The following TMPRSS4 variants were observed in gnomAD, a reference collection of about 807,000 sequenced individuals.
TMPRSS4 encodes transmembrane protease serine 4.
TMPRSS4 carries 45 observed loss-of-function variants against 56.4 expected under a neutral mutation model. That is an observed-to-expected ratio of 0.80 (90% CI 0.63 to 1.02). The LOEUF (loss-of-function observed/expected upper bound fraction) is 1.02, where lower values mean the gene tolerates loss of function less well. Ranked by LOEUF, TMPRSS4 falls within the 50% of genes least tolerant of loss-of-function variation. The probability of loss-of-function intolerance (pLI) is 0.00; values close to 1 mark genes in which losing one functional copy is unlikely to be tolerated. For missense variants in TMPRSS4, 546 were observed against 556.7 expected (o/e 0.98, Z 0.19); for synonymous variants, 205 against 211.0 (o/e 0.97, Z 0.25).
At chr11:118,081,679 C>T (rs1420439731) in intron 1 of TMPRSS4, among the ~76,000 whole-genome samples, 5 of 152,248 alleles carry the variant, frequency 3.3e-5, no homozygotes, top group African/African-American at 7.2e-5. Context: ...GGGCGTCGCC[C>T]GCTGGTGCGG....
At chr11:118,092,055 A>C (rs1454027541) in intron 1 of TMPRSS4, among the ~76,000 whole-genome samples, 1 of 152,174 alleles carries the variant, frequency 6.6e-6, no homozygotes, top group Non-Finnish European at 1.5e-5. Flanking sequence ...TGGCTAATTA[A>C]AAATAAAATG....
At chr11:118,081,896 G>T (rs1291529221) in intron 1 of TMPRSS4, among the ~76,000 whole-genome samples, 1 of 152,174 alleles carries the variant, frequency 6.6e-6, no homozygotes, top group East Asian at 1.9e-4. Flanking sequence ...AGGAGCAGGG[G>T]AGACTGCTTT....
intron 7 of TMPRSS4, among the ~76,000 whole-genome samples, chr11:118,109,213 T>G (rs1052246716): frequency 1.3e-5 from 2 of 152,218 alleles, no homozygotes; most frequent in Non-Finnish European, 2.9e-5. Context: ...CTCCCATCCC[T>G]GGTCCGGGCC....
intron 11 of TMPRSS4, among the ~76,000 whole-genome samples, chr11:118,116,470 G>C (rs1741548929): frequency 6.6e-6 from 1 of 152,190 alleles, no homozygotes; most frequent in South Asian, 2.1e-4. Flanking sequence ...AGCCCCAGGG[G>C]CTAAAACAGC....
At chr11:118,101,169 C>T (rs1946709406) in intron 3 of TMPRSS4, among the ~76,000 whole-genome samples, 1 of 152,166 alleles carries the variant, frequency 6.6e-6, no homozygotes, top group Admixed American at 6.5e-5. Flanking sequence ...GCACTGTGTG[C>T]CCTGGGAAAA....
chr11:118,111,746 G>A lies in TMPRSS4; in HGVS notation c.589G>A (p.Gly197Arg). The A allele has an allele frequency of 1.3e-6, 2 of 1,575,108 alleles. No homozygotes were observed. The highest frequency in any genetic ancestry group is 1.7e-6 in the Non-Finnish European group (2 of 1,163,994). Residue 197 changes from glycine (G) to arginine (R), a missense_variant, in exon 8 of 13, where the codon GGG (glycine) becomes AGG (arginine). Coordinates refer to ENST00000437212, the MANE Select transcript of TMPRSS4 (RefSeq NM_019894.4). ...SLVSLHCLAC[G>R]KSLKTPRVVG... is the part of the protein sequence containing the mutation. ...CTGCCTCTGCCTGTGTCCAGCCTGT[G>A]GGAAGAGCCTGAAGACCCCCCGTGT...
At chr11:118,081,394 G>C (rs1280016308) in intron 1 of TMPRSS4, among the ~76,000 whole-genome samples, 1 of 152,178 alleles carries the variant, frequency 6.6e-6, no homozygotes, top group East Asian at 1.9e-4. Context: ...CCACCTCCCA[G>C]CCTGCCACTC....
chr11:118,104,664 A>T (rs1482020195), intron 4 of TMPRSS4, 27 bp from the exon 5 acceptor site: 1 of 1,614,008 alleles, frequency 6.2e-7, no homozygotes. Context: ...CCCCCGTTCC[A>T]TCTAACTCAG....
chr11:118,090,661 C>T (rs1321280274), intron 1 of TMPRSS4, among the ~76,000 whole-genome samples: 1 of 151,590 alleles, frequency 6.6e-6, no homozygotes, highest in Non-Finnish European at 1.5e-5. Flanking sequence ...GCCTGTAGTC[C>T]CAGCTACTCA....
intron 1 of TMPRSS4, among the ~76,000 whole-genome samples, chr11:118,090,809 CACACACACACAA>C (rs1372214552): frequency 6.8e-6 from 1 of 146,262 alleles, no homozygotes; most frequent in African/African-American, 2.6e-5. Flanking sequence ...CTCTGTCACA[CACACACACACAA>C]ACACACACAC....
chr11:118,115,463 G>A, intron 11 of TMPRSS4, 183 bp downstream of exon 11: 1 of 662,542 alleles, frequency 1.5e-6, no homozygotes, highest in African/African-American at 1.8e-5. Flanking sequence ...ACCAATAGAT[G>A]AGTGGGTGGA....
intron 4 of TMPRSS4, 34 bp from the exon 5 acceptor site, chr11:118,104,657 C>T (rs779223241): frequency 6.2e-7 from 1 of 1,613,876 alleles, no homozygotes; most frequent in Non-Finnish European, 8.5e-7. Context: ...GTTGGGCCCC[C>T]CGTTCCATCT....
intron 1 of TMPRSS4, among the ~76,000 whole-genome samples, chr11:118,083,929 T>C (rs537446517): frequency 6.6e-6 from 1 of 152,172 alleles, no homozygotes; most frequent in South Asian, 2.1e-4. Context: ...TCCCAGCTAC[T>C]CTGGAGGCTG....
Position 118,077,244 on chromosome 11 carries a change from C to T in TMPRSS4, c.-59C>T. ...CTGTGTGGGGAGGCCCTCCTGCTGCCTTGGGGTGACAATCTCAGCTCCAGG... is the reference window on the plus strand; with the variant it reads ...CTGTGTGGGGAGGCCCTCCTGCTGCTTTGGGGTGACAATCTCAGCTCCAGG... On this transcript the variant is annotated 5_prime_UTR_variant, in exon 1 of 13. Transcript: ENST00000437212. 1 of 1,580,132 alleles carries T rather than the reference C, an allele frequency of 6.3e-7. No homozygotes were observed. The highest frequency in any genetic ancestry group is 8.6e-7 in the Non-Finnish European group (1 of 1,162,734).
rs1565423938 is a variant in TMPRSS4, at chr11:118,097,069, G to GGAAAGGAA, written c.44-1915_44-1914insAAAGGAAG. On this transcript the variant is annotated intron_variant, in intron 2 of 12. Coordinates refer to ENST00000437212, the MANE Select transcript of TMPRSS4 (RefSeq NM_019894.4). ...AAGGAAAGGAAAGGAAAGGAAAGGAGGTAGTAGAAGGGACGTACTTAAGAG... is the reference window on the plus strand; with the variant it reads ...AAGGAAAGGAAAGGAAAGGAAAGGAGGAAAGGAAGTAGTAGAAGGGACGTACTTAAGAG... Among the ~76,000 whole-genome samples, 4 of 22,910 alleles carry GGAAAGGAA rather than the reference G, an allele frequency of 1.7e-4. 1 individual carries two copies. The highest frequency in any genetic ancestry group is 4.4e-4 in the African/African-American group (4 of 9,180). The allele number at this position is 22,910 out of a possible 152,430, so 15.0% of individuals were successfully genotyped here.
chr11:118,111,861 T>C lies in TMPRSS4; in HGVS notation c.704T>C (p.Leu235Pro), dbSNP rs1947292960. The C allele has an allele frequency of 6.2e-7, 1 of 1,609,852 alleles. No individual in the cohort carries two copies. The highest frequency in any genetic ancestry group is 1.3e-5 in the African/African-American group (1 of 74,704). Residue 235 changes from leucine (L) to proline (P), a missense_variant, in exon 8 of 13, where the codon CTG (leucine) becomes CCG (proline). By Grantham distance (98) the Leu-to-Pro change is moderately conservative. Coordinates refer to ENST00000437212, the MANE Select transcript of TMPRSS4 (RefSeq NM_019894.4). Reference protein sequence around the residue: ...DKQHVCGGSILDPHWVLTAAH... With the variant: ...DKQHVCGGSIPDPHWVLTAAH... ...CAGCACGTCTGTGGAGGGAGCATCC[T>C]GGACCCCCACTGGGTCCTCACGGCA...
chr11:118,092,593 A>C lies in TMPRSS4; in HGVS notation c.4-2223A>C, dbSNP rs1246763994. 1.6e-4 allele frequency among the ~76,000 whole-genome samples: 25 copies of C among 152,224 alleles called. 2 individuals are homozygous for C. Among genetic ancestry groups the C allele is most frequent in the Admixed American group, 1.6e-3 (25 of 15,284 alleles). ...AGTTTGGGGAGGGTCAGAATCTTGT[A>C]ACCTCCAGCTGCATGACTCCTAAAC... is the stretch of plus-strand genomic sequence containing the variant. On this transcript the variant is annotated intron_variant, in intron 1 of 12. Transcript: ENST00000437212.
At chr11:118,125,379 T>C (rs941571967), downstream of TMPRSS4, 12 of 455,870 alleles carry the variant, frequency 2.6e-5, no homozygotes, top group African/African-American at 2.4e-4. Flanking sequence ...GGAGCTACGG[T>C]CAGCTCGGCA....
intron 1 of TMPRSS4, among the ~76,000 whole-genome samples, chr11:118,078,048 AGAAGG>A (rs1944821671): frequency 3.1e-5 from 2 of 63,608 alleles, no homozygotes; most frequent in East Asian, 3.8e-4. Context: ...AAAAAAAGAA[AGAAGG>A]AAAAGAAAAC....
Sources: allele counts gnomAD v4.1 joint callset (sites outside exome capture counted in the v4.1 genomes callset), GRCh38; gene constraint gnomAD v4.1.1; transcripts MANE v1.5; gene names NCBI Gene and HGNC (gene_info 2026-07-23, HGNC 2026-07-21).